The following LRP2BP variants were observed in gnomAD, a reference collection of about 807,000 sequenced individuals.
LRP2BP encodes LRP2-binding protein.
Under a neutral mutation model 45.2 loss-of-function variants are expected in LRP2BP, and 38 were observed. The observed-to-expected ratio is 0.84, with a 90% CI of 0.65 to 1.10. The LOEUF (loss-of-function observed/expected upper bound fraction) is 1.10. Among genes scored for constraint, LRP2BP ranks in the 50% least tolerant of loss-of-function variants. The probability of loss-of-function intolerance (pLI) is 0.00; values close to 1 mark genes in which losing one functional copy is unlikely to be tolerated. For missense variants in LRP2BP, 385 were observed against 418.9 expected (o/e 0.92, Z 0.71); for synonymous variants, 153 against 153.9 (o/e 0.99, Z 0.04).
chr4:185,395,767 C>T lies in LRP2BP; in HGVS notation c.-1010G>A. On this transcript the variant is annotated 5_prime_UTR_variant, in exon 1 of 9. Transcript: ENST00000505916. ...CTTATCTTTAGAGGACAAGCATGAACTTGTTTTCTAACAGCATAACAATAA... is the reference window on the plus strand; with the variant it reads ...CTTATCTTTAGAGGACAAGCATGAATTTGTTTTCTAACAGCATAACAATAA... 1.0e-6 allele frequency: 1 copy of T among 985,410 alleles called. No homozygotes were observed. Among genetic ancestry groups the T allele is most frequent in the Middle Eastern group, 5.2e-4 (1 of 1,912 alleles). The allele number at this position is 985,410 out of a possible 1,614,324, so 61.0% of individuals were successfully genotyped here.
intron 8 of LRP2BP, 81 bp downstream of exon 8, chr4:185,370,559 A>G: frequency 7.0e-7 from 1 of 1,425,200 alleles, no homozygotes; most frequent in Non-Finnish European, 9.6e-7. Context: ...AAAAAACACT[A>G]ATCCGTAAAA....
intron 1 of LRP2BP, among the ~76,000 whole-genome samples, chr4:185,388,040 G>A (rs1363916009): frequency 1.3e-5 from 2 of 152,324 alleles, no homozygotes; most frequent in Middle Eastern, 3.4e-3. Flanking sequence ...GGATGCCCCC[G>A]TGGTGTGTAG....
intron 8 of LRP2BP, among the ~76,000 whole-genome samples, chr4:185,369,112 C>G (rs1030071719): frequency 6.7e-6 from 1 of 149,908 alleles, no homozygotes; most frequent in Non-Finnish European, 1.5e-5. Context: ...TTGTTCTAGT[C>G]AGGATGACTA....
chr4:185,373,085 A>G lies in LRP2BP; in HGVS notation c.580-6T>C. On this transcript the variant is annotated splice_polypyrimidine_tract_variant and splice_region_variant and intron_variant, in intron 6 of 8. Coordinates refer to ENST00000505916, the MANE Select transcript of LRP2BP (RefSeq NM_001377440.1). ...TCGGAATGCCAGTAAAATGCCTAAGAAAAGCACAGTTTCATCATTGTATTT... is the reference window on the plus strand; with the variant it reads ...TCGGAATGCCAGTAAAATGCCTAAGGAAAGCACAGTTTCATCATTGTATTT... The G allele has an allele frequency of 6.2e-7, 1 of 1,600,808 alleles. No individual in the cohort carries two copies. The highest frequency in any genetic ancestry group is 8.6e-7 in the Non-Finnish European group (1 of 1,168,520).
In LRP2BP at chr4:185,367,161, T is replaced by C. The variant is rs373381016; in HGVS notation, c.*19A>G. On this transcript the variant is annotated 3_prime_UTR_variant, in exon 9 of 9. Transcript: ENST00000505916. Reference sequence around the variant, plus strand: ...GTGAGGTGTTAGCATTGATGATCTTTGTTGAAATACATTGTGGTCTAAATT... The same window carrying C: ...GTGAGGTGTTAGCATTGATGATCTTCGTTGAAATACATTGTGGTCTAAATT... 5.0e-5 allele frequency: 80 copies of C among 1,601,348 alleles called. No individual in the cohort carries two copies. Among genetic ancestry groups the C allele is most frequent in the Non-Finnish European group, 6.3e-5 (74 of 1,170,716 alleles).
chr4:185,376,443 CTTTTTTTTT>C (rs34024562), intron 3 of LRP2BP, among the ~76,000 whole-genome samples: 16 of 105,794 alleles, frequency 1.5e-4, no homozygotes, highest in African/African-American at 6.2e-4. Context: ...TGCCCAGCTA[CTTTTTTTTT>C]TTTTTTTTTT....
intron 2 of LRP2BP, 115 bp downstream of exon 2, chr4:185,377,966 T>C: frequency 1.2e-6 from 1 of 860,128 alleles, no homozygotes; most frequent in Non-Finnish European, 1.8e-6. Flanking sequence ...GGACTAATGA[T>C]TAACCACTTC....
rs201183602 is a variant in LRP2BP, at chr4:185,375,623, G to A, written c.320C>T (p.Thr107Ile). 1 of 1,601,388 alleles carries A rather than the reference G, an allele frequency of 6.2e-7. No individual in the cohort carries two copies. Among genetic ancestry groups the A allele is most frequent in the African/African-American group, 1.4e-5 (1 of 73,728 alleles). ...GVMYYDGLGT[T>I]LDAEKGVDYM... The stretch of plus-strand genomic sequence containing the variant: ...AAGACATTAACTTACAGCGTCTAGA[G>A]TGGTCCCCAGCCCATCATAGTACAT... Residue 107 changes from threonine to isoleucine, a missense_variant, in exon 4 of 9, where the codon ACT becomes ATT. Thr to Ile is a moderately conservative substitution (Grantham distance 89). Coordinates refer to ENST00000505916, the MANE Select transcript of LRP2BP (RefSeq NM_001377440.1).
At position 185,375,693 on chromosome 4, in the gene LRP2BP, C is replaced by T; in HGVS notation, c.250G>A (p.Glu84Lys). ...GCTTGATGGTCTTTCTCCTTGATTT[C>T]TTCAAACTGTTCTAATGCTTCTTCA... Reference protein sequence around the residue: ...WYEEALEQFEEIKEKDHQATY... With the variant: ...WYEEALEQFEKIKEKDHQATY... The change falls in exon 4 of 9, where the codon GAA (glutamate) becomes AAA (lysine). Residue 84 changes from glutamate (E) to lysine (K), a missense_variant. By Grantham distance (56) the Glu-to-Lys change is moderately conservative (BLOSUM62 1). Coordinates refer to ENST00000505916, the MANE Select transcript of LRP2BP (RefSeq NM_001377440.1). The T allele has an allele frequency of 6.2e-7, 1 of 1,611,500 alleles. No homozygotes were observed. Among genetic ancestry groups the T allele is most frequent in the Non-Finnish European group, 8.5e-7 (1 of 1,178,896 alleles).
chr4:185,396,341 C>T, upstream of LRP2BP: 1 of 152,668 alleles, frequency 6.6e-6, no homozygotes, highest in Non-Finnish European at 1.5e-5. Context: ...GCGGCGTCGA[C>T]GGGGAGCTGC....
intron 6 of LRP2BP, among the ~76,000 whole-genome samples, 197 bp downstream of exon 6, chr4:185,373,938 G>T (rs2095424564): frequency 6.6e-6 from 1 of 151,966 alleles, no homozygotes; most frequent in South Asian, 2.1e-4. Flanking sequence ...CACATTCATG[G>T]TTTCCTTCGG....
chr4:185,385,914 G>GA (rs66982021), intron 1 of LRP2BP, among the ~76,000 whole-genome samples: 1 of 144,592 alleles, frequency 6.9e-6, no homozygotes. Flanking sequence ...GAGGGGGGGG[G>GA]GGAGATAAAG....
chr4:185,375,987 G>A (rs1579988314), intron 3 of LRP2BP, among the ~76,000 whole-genome samples: 1 of 152,288 alleles, frequency 6.6e-6, no homozygotes, highest in Non-Finnish European at 1.5e-5. Context: ...AAGTGAGAGA[G>A]TAAGTGGGAT....
intron 2 of LRP2BP, 57 bp from the exon 3 acceptor site, chr4:185,377,075 G>T: frequency 8.3e-7 from 1 of 1,198,434 alleles, no homozygotes; most frequent in South Asian, 1.2e-5. Context: ...TTTCTCTCTT[G>T]AAGTAATGAA....
At position 185,377,037 on chromosome 4, in the gene LRP2BP, G is replaced by A. The variant is rs773107072; in HGVS notation, c.107-19C>T. On this transcript the variant is annotated intron_variant, in intron 2 of 8. Transcript: ENST00000505916. Reference sequence around the variant, plus strand: ...GTGTAATCTGATTTTAAAAAGGTAAGGAATTCCATCAACCACACAATATGA... The same window carrying A: ...GTGTAATCTGATTTTAAAAAGGTAAAGAATTCCATCAACCACACAATATGA... The A allele has an allele frequency of 1.3e-6, 2 of 1,506,662 alleles. No individual in the cohort carries two copies. The highest frequency in any genetic ancestry group is 1.8e-6 in the Non-Finnish European group (2 of 1,082,176). 93.3% of individuals were successfully genotyped at this position (1,506,662 alleles called of 1,614,324 possible).
intron 1 of LRP2BP, among the ~76,000 whole-genome samples, chr4:185,381,524 A>C (rs1172386843): frequency 1.3e-5 from 2 of 152,164 alleles, no homozygotes; most frequent in African/African-American, 4.8e-5. Flanking sequence ...TTTTAAATTA[A>C]TTGCTGATTT....
intron 1 of LRP2BP, among the ~76,000 whole-genome samples, chr4:185,389,283 A>G (rs2095481632): frequency 6.6e-6 from 1 of 151,562 alleles, no homozygotes; most frequent in African/African-American, 2.4e-5. Context: ...ATCTTGGTTC[A>G]CTGCAACCTC....
At position 185,373,061 on chromosome 4, in the gene LRP2BP, C is replaced by T. The variant is rs764651617; in HGVS notation, c.598G>A (p.Glu200Lys). 7 of 1,606,828 alleles carry T rather than the reference C, an allele frequency of 4.4e-6. No homozygotes were observed. In the East Asian group the frequency reaches 6.7e-5, roughly 15 times the overall value. ...TCCAGATTCCCATTGCCACATGCTT[C>T]GGAATGCCAGTAAAATGCCTAAGAA... ...ELEKAFYWHSEACGNGNLESQ... is the reference protein window; with the variant it reads ...ELEKAFYWHSKACGNGNLESQ... Residue 200 changes from glutamate to lysine, a missense_variant, in exon 7 of 9, where the codon GAA becomes AAA. Coordinates refer to ENST00000505916, the MANE Select transcript of LRP2BP (RefSeq NM_001377440.1).
At chr4:185,396,876 C>G (rs1229090298), upstream of LRP2BP, 8 of 1,605,598 alleles carry the variant, frequency 5.0e-6, no homozygotes, top group Non-Finnish European at 6.8e-6. Context: ...GCGAGTGTCT[C>G]ACCTCTCTGC....
Sources: allele counts gnomAD v4.1 joint callset (sites outside exome capture counted in the v4.1 genomes callset), GRCh38; gene constraint gnomAD v4.1.1; transcripts MANE v1.5; gene names NCBI Gene and HGNC (gene_info 2026-07-23, HGNC 2026-07-21).